TG: variants seen among roughly 807,000 people sequenced by gnomAD.
TG encodes thyroid hormones.
In TG, 270 loss-of-function variants were observed where a neutral mutation model predicts 324.7. The observed-to-expected ratio is 0.83, with a 90% CI of 0.75 to 0.92. The LOEUF is 0.92. TG is among the 40% of genes least tolerant of loss of function. The pLI is 0.00. For missense variants in TG, 3,591 were observed against 3,456.4 expected (o/e 1.04, Z -0.98); for synonymous variants, 1,401 against 1,327.0 (o/e 1.06, Z -1.21).
intron 35 of TG, chr8:133,002,538 C>A: frequency 4.1e-6 from 2 of 493,770 alleles, no homozygotes; most frequent in Non-Finnish European, 5.3e-6. Flanking sequence ...GAGAGGACAT[C>A]ACACTTCTAC....
At chr8:132,913,323 G>A (rs1819803801) in intron 20 of TG, 58 bp downstream of exon 20, 1 of 1,550,066 alleles carries the variant, frequency 6.5e-7, no homozygotes, top group Non-Finnish European at 8.9e-7. Flanking sequence ...TTTAGGAAAG[G>A]CCACCTCAGC....
At chr8:132,971,714 A>G in intron 32 of TG, 80 bp from the exon 33 acceptor site, 1 of 991,898 alleles carries the variant, frequency 1.0e-6, no homozygotes, top group Admixed American at 1.7e-5. Flanking sequence ...CAAAGCAAGA[A>G]TGACTACCAT....
chr8:132,951,220 C>T (rs1284623296), intron 27 of TG, among the ~76,000 whole-genome samples: 2 of 152,098 alleles, frequency 1.3e-5, no homozygotes, highest in Admixed American at 6.5e-5. Flanking sequence ...TTCTGGATTA[C>T]CACCATTGAG....
intron 41 of TG, chr8:133,075,977 G>A (rs746372931): frequency 6.6e-6 from 1 of 152,142 alleles, no homozygotes; most frequent in African/African-American, 2.4e-5. Flanking sequence ...TATACATTAT[G>A]TAAATATTGC....
intron 35 of TG, among the ~76,000 whole-genome samples, chr8:133,006,388 C>A (rs985579999): frequency 3.3e-5 from 5 of 152,214 alleles, no homozygotes; most frequent in Non-Finnish European, 7.3e-5. Flanking sequence ...GAGAACTGGG[C>A]CTGGACTTTG....
At chr8:133,094,923 G>C (rs960626892) in intron 41 of TG, 121 bp from the exon 42 acceptor site, 1 of 1,361,730 alleles carries the variant, frequency 7.3e-7, no homozygotes, top group East Asian at 2.3e-5. Context: ...CCCAGAATGG[G>C]TCCTGGGACT....
At chr8:132,988,738 G>T (rs1317340685) in intron 35 of TG, 1 of 985,342 alleles carries the variant, frequency 1.0e-6, no homozygotes, top group Non-Finnish European at 1.2e-6. Context: ...CAAGGCTGCT[G>T]CAGGTTAGCT....
intron 37 of TG, among the ~76,000 whole-genome samples, chr8:133,014,714 C>T (rs879410506): frequency 1.3e-5 from 2 of 152,220 alleles, no homozygotes; most frequent in Non-Finnish European, 2.9e-5. Flanking sequence ...TTGGTTCTGT[C>T]TTGATTCCAG....
intron 41 of TG, among the ~76,000 whole-genome samples, chr8:133,036,234 C>T (rs1316829811): frequency 1.3e-5 from 2 of 152,202 alleles, no homozygotes; most frequent in Admixed American, 1.3e-4. Context: ...TGCCAGGTGA[C>T]TGCTTGGAGC....
At chr8:133,039,037 C>A (rs1005655623) in intron 41 of TG, among the ~76,000 whole-genome samples, 8 of 152,138 alleles carry the variant, frequency 5.3e-5, no homozygotes, top group African/African-American at 1.9e-4. Flanking sequence ...ACCACCACGC[C>A]CAGCTAATTT....
intron 27 of TG, among the ~76,000 whole-genome samples, chr8:132,953,998 A>G (rs1463288327): frequency 4.0e-5 from 3 of 74,368 alleles, no homozygotes; most frequent in East Asian, 1.6e-3. Context: ...AATTTGATAG[A>G]AAAAAAAAAA....
chr8:133,071,625 A>G (rs1410759130), intron 41 of TG, among the ~76,000 whole-genome samples: 22 of 151,866 alleles, frequency 1.4e-4, no homozygotes, highest in Non-Finnish European at 2.9e-5. Flanking sequence ...TGTGACTTGG[A>G]TGGCATGCAG....
intron 16 of TG, among the ~76,000 whole-genome samples, chr8:132,906,337 A>C (rs557624667): frequency 3.9e-5 from 6 of 152,162 alleles, no homozygotes; most frequent in African/African-American, 1.4e-4. Context: ...GGGGTGGCAG[A>C]TACTAAGTTC....
chr8:133,045,658 G>C (rs1038164347), intron 41 of TG, among the ~76,000 whole-genome samples: 1 of 152,122 alleles, frequency 6.6e-6, no homozygotes, highest in African/African-American at 2.4e-5. Flanking sequence ...GCCTCCCAAA[G>C]TGCTGGGATT....
chr8:132,872,657 C>T (rs1839604005), intron 4 of TG, among the ~76,000 whole-genome samples: 1 of 152,052 alleles, frequency 6.6e-6, no homozygotes, highest in Admixed American at 6.6e-5. Context: ...GGAGCAACTG[C>T]CAGTCCTGCA....
At chr8:132,975,265 A>C in intron 34 of TG, among the ~76,000 whole-genome samples, 1 of 152,144 alleles carries the variant, frequency 6.6e-6, no homozygotes, top group East Asian at 1.9e-4. Flanking sequence ...TAAAAATGTC[A>C]TTTTCCATCT....
At chr8:132,949,124 G>A (rs1825757746) in intron 27 of TG, among the ~76,000 whole-genome samples, 181 bp downstream of exon 27, 1 of 152,174 alleles carries the variant, frequency 6.6e-6, no homozygotes, top group Non-Finnish European at 1.5e-5. Context: ...GAACTCTATG[G>A]GAAGCATCCA....
chr8:133,089,598 A>G (rs1348231307), intron 41 of TG, among the ~76,000 whole-genome samples: 1 of 152,034 alleles, frequency 6.6e-6, no homozygotes, highest in Non-Finnish European at 1.5e-5. Flanking sequence ...ACTTCTCACT[A>G]CACTTCTATG....
intron 45 of TG, among the ~76,000 whole-genome samples, chr8:133,118,589 T>C (rs1344444489): frequency 6.6e-6 from 1 of 152,054 alleles, no homozygotes; most frequent in African/African-American, 2.4e-5. Context: ...CTTCTCAGAG[T>C]GCTGGGATTA....
Sources: allele counts gnomAD v4.1 joint callset (sites outside exome capture counted in the v4.1 genomes callset), GRCh38; gene constraint gnomAD v4.1.1; transcripts MANE v1.5; gene names NCBI Gene and HGNC (gene_info 2026-07-23, HGNC 2026-07-21).